NAT1: variants seen among roughly 807,000 people sequenced by gnomAD.
NAT1 encodes the protein arylamine N-acetyltransferase 1.
For missense variants in NAT1, 400 were observed against 339.2 expected, an observed-to-expected ratio of 1.18 and a Z score of -1.41; for synonymous variants, 144 against 122.6, an observed-to-expected ratio of 1.17 and a Z score of -1.16.
chr8:18,182,058 C>T (rs537555651), intron 2 of NAT1, among the ~76,000 whole-genome samples: 4 of 152,292 alleles, frequency 2.6e-5, no homozygotes, highest in African/African-American at 4.8e-5. Flanking sequence ...CTCTATGGTG[C>T]CTGGCATTGA....
At chr8:18,221,604 G>A (rs558836951) in intron 2 of NAT1, among the ~76,000 whole-genome samples, 61 of 152,276 alleles carry the variant, frequency 4.0e-4, no homozygotes, top group African/African-American at 1.4e-3. Flanking sequence ...CTTTGAGCGG[G>A]AAACTTTGTA....
intron 2 of NAT1, among the ~76,000 whole-genome samples, chr8:18,181,700 G>A (rs1311322163): frequency 6.6e-6 from 1 of 152,142 alleles, no homozygotes; most frequent in East Asian, 1.9e-4. Flanking sequence ...TTGGTATGAT[G>A]TTAGCTGCGG....
chr8:18,204,163 T>TCTCTCTCTCTCTCTCTCTC (rs1563177737), intron 2 of NAT1, among the ~76,000 whole-genome samples: 8 of 148,722 alleles, frequency 5.4e-5, no homozygotes, highest in African/African-American at 1.7e-4. Context: ...TTGGATGTCT[T>TCTCTCTCTCTCTCTCTCTC]TCTCTCTCTC....
chr8:18,192,851 A>G (rs967968266), intron 2 of NAT1, among the ~76,000 whole-genome samples: 2 of 151,116 alleles, frequency 1.3e-5, no homozygotes, highest in Admixed American at 6.6e-5. Context: ...GGGGTGGGGG[A>G]AGGGGGGAGG....
upstream of NAT1, among the ~76,000 whole-genome samples, chr8:18,209,468 G>A (rs1803884529): frequency 6.6e-6 from 1 of 152,186 alleles, no homozygotes; most frequent in South Asian, 2.1e-4. Flanking sequence ...GGTCAATAAA[G>A]AAACAAAAAT....
intron 2 of NAT1, among the ~76,000 whole-genome samples, chr8:18,186,388 A>T (rs967920828): frequency 6.6e-6 from 1 of 152,142 alleles, no homozygotes; most frequent in Non-Finnish European, 1.5e-5. Context: ...AGCTTGCATG[A>T]TACTGGTGTA....
intron 2 of NAT1, among the ~76,000 whole-genome samples, chr8:18,184,745 T>A (rs2117233317): frequency 6.6e-6 from 1 of 152,318 alleles, no homozygotes; most frequent in South Asian, 2.1e-4. Context: ...AATGGATTAA[T>A]GCTGTTGCAA....
chr8:18,214,243 C>T (rs550284211), intron 1 of NAT1, among the ~76,000 whole-genome samples: 1 of 152,188 alleles, frequency 6.6e-6, no homozygotes, highest in Non-Finnish European at 1.5e-5. Flanking sequence ...AGTGTGACCT[C>T]TCTACTTTTT....
At chr8:18,193,441 A>C (rs987179564) in intron 2 of NAT1, among the ~76,000 whole-genome samples, 7 of 142,036 alleles carry the variant, frequency 4.9e-5, no homozygotes, top group Non-Finnish European at 7.7e-5. Flanking sequence ...TGGGTGAGAG[A>C]GTGAGACTCT....
At chr8:18,186,801 A>G (rs1589063610) in intron 2 of NAT1, among the ~76,000 whole-genome samples, 1 of 152,134 alleles carries the variant, frequency 6.6e-6, no homozygotes, top group South Asian at 2.1e-4. Context: ...ACAAATGGGA[A>G]CTAATTAATC....
At chr8:18,196,253 T>A (rs1803229410) in intron 2 of NAT1, among the ~76,000 whole-genome samples, 2 of 152,120 alleles carry the variant, frequency 1.3e-5, no homozygotes, top group South Asian at 4.1e-4. Context: ...CCCAGCCAAC[T>A]TTTACAACTT....
At position 18,176,856 on chromosome 8, in the gene NAT1, G is replaced by A. The variant is rs145210544; in HGVS notation, n.92+6117G>A. On this transcript the variant is annotated intron_variant and non_coding_transcript_variant, in intron 2 of 4. Transcript: ENST00000517441. Reference sequence around the variant, plus strand: ...CTAATTTTTTCAATCCATAAACACAGAATATCTTTCCATTTATTGTGTCAT... The same window carrying A: ...CTAATTTTTTCAATCCATAAACACAAAATATCTTTCCATTTATTGTGTCAT... 1.4e-3 allele frequency among the ~76,000 whole-genome samples: 217 copies of A among 151,996 alleles called. 2 individuals carry two copies. The East Asian group carries it at 0.032, about 23-fold the overall frequency.
At chr8:18,216,737 TA>T in intron 1 of NAT1, 2 of 571,084 alleles carry the variant, frequency 3.5e-6, no homozygotes, top group South Asian at 2.5e-5. Flanking sequence ...TGGGAGAAGA[TA>T]AAAGCAAAAT....
chr8:18,220,455 G>A (rs1435700551), intron 2 of NAT1, among the ~76,000 whole-genome samples: 1 of 152,160 alleles, frequency 6.6e-6, no homozygotes, highest in Non-Finnish European at 1.5e-5. Flanking sequence ...AGTTATACCT[G>A]AGGTCTGTAC....
intron 2 of NAT1, among the ~76,000 whole-genome samples, chr8:18,186,958 A>G (rs997272665): frequency 1.3e-5 from 2 of 152,186 alleles, no homozygotes; most frequent in African/African-American, 4.8e-5. Context: ...CTAGAGGTCA[A>G]ATTAAGAAAT....
chr8:18,221,428 T>C (rs1019882004), intron 2 of NAT1, among the ~76,000 whole-genome samples: 2 of 152,032 alleles, frequency 1.3e-5, no homozygotes, highest in Admixed American at 6.6e-5. Flanking sequence ...ACAGATTGCA[T>C]GTTTTATCCA....
At chr8:18,207,264 T>G (rs1437575567), upstream of NAT1, among the ~76,000 whole-genome samples, 3 of 152,260 alleles carry the variant, frequency 2.0e-5, no homozygotes, top group African/African-American at 7.2e-5. Context: ...CACGCTGTTT[T>G]GGTTATTGTA....
chr8:18,207,418 T>C (rs1033437589), upstream of NAT1, among the ~76,000 whole-genome samples: 1 of 152,140 alleles, frequency 6.6e-6, no homozygotes, highest in African/African-American at 2.4e-5. Flanking sequence ...TTGAAGAATG[T>C]CAGTATGTCA....
At chr8:18,185,880 T>G (rs1289029121) in intron 2 of NAT1, among the ~76,000 whole-genome samples, 1 of 152,170 alleles carries the variant, frequency 6.6e-6, no homozygotes, top group Non-Finnish European at 1.5e-5. Context: ...TATTTTCTAT[T>G]TTTATCATGG....
Sources: gnomAD v4.1 joint callset for allele counts (sites outside exome capture counted in the v4.1 genomes callset) on GRCh38, gnomAD v4.1.1 for gene constraint, MANE v1.5 for transcripts, NCBI Gene and HGNC (gene_info 2026-07-23, HGNC 2026-07-21) for gene names.